The following SSR2 variants were observed in gnomAD, a reference collection of about 807,000 sequenced individuals.
The protein encoded by SSR2 is translocon-associated protein subunit beta.
In SSR2, 16 loss-of-function variants were observed where a neutral mutation model predicts 22.6. The ratio of observed to expected loss-of-function variants is 0.71; its 90% CI spans 0.48 to 1.08. The LOEUF (loss-of-function observed/expected upper bound fraction) is 1.08. SSR2 is among the 50% of genes least tolerant of loss of function. The pLI is 0.00. For missense variants in SSR2, 171 were observed against 221.6 expected (o/e 0.77, Z 1.45); for synonymous variants, 83 against 91.2 (o/e 0.91, Z 0.51).
chr1:156,019,796 C>A (rs540534146), intron 2 of SSR2, among the ~76,000 whole-genome samples: 1 of 152,294 alleles, frequency 6.6e-6, no homozygotes, highest in East Asian at 1.9e-4. Context: ...CTCTAAAATT[C>A]TTCCAACCCG....
At chr1:156,014,018 G>T (rs1281891698) in intron 4 of SSR2, 2 of 152,188 alleles carry the variant, frequency 1.3e-5, no homozygotes, top group African/African-American at 4.8e-5. Context: ...CAAGTGTCTG[G>T]TTAATGTTAT....
intron 3 of SSR2, among the ~76,000 whole-genome samples, chr1:156,016,565 A>G (rs552103420): frequency 1.4e-5 from 2 of 146,072 alleles, no homozygotes; most frequent in African/African-American, 4.9e-5. Flanking sequence ...TGTTAACTAT[A>G]ATTGAAGGAA....
Position 156,020,039 on chromosome 1 carries a change from C to G in SSR2, c.129G>C (p.Gln43His). 16 of 1,614,072 alleles carry G rather than the reference C, an allele frequency of 9.9e-6. No homozygotes were observed. Among genetic ancestry groups the G allele is most frequent in the Non-Finnish European group, 1.4e-5 (16 of 1,180,010 alleles). Reference sequence around the variant, plus strand: ...TTGAGCCAACATTGTAGATGTTGTACTGCAAGGTCAGGTCTCGTCCCTCCA... The same window carrying G: ...TTGAGCCAACATTGTAGATGTTGTAGTGCAAGGTCAGGTCTCGTCCCTCCA... ...YAVEGRDLTL[Q>H]YNIYNVGSSA... is the part of the protein sequence containing the mutation. Residue 43 changes from glutamine (Q) to histidine (H), a missense_variant, in exon 2 of 6, where the codon CAG becomes CAC. Physicochemically the swap from Gln to His is conservative, Grantham distance 24 (BLOSUM62 0). Transcript: ENST00000295702.
chr1:156,019,956 C>A, intron 2 of SSR2, 57 bp downstream of exon 2: 1 of 1,576,784 alleles, frequency 6.3e-7, no homozygotes, highest in South Asian at 1.2e-5. Context: ...CTATTCCCAT[C>A]TGAAAACTAA....
intron 5 of SSR2, among the ~76,000 whole-genome samples, chr1:156,009,862 C>T (rs1334933790): frequency 6.6e-6 from 1 of 152,218 alleles, no homozygotes; most frequent in Non-Finnish European, 1.5e-5. Context: ...CAACCTCCGC[C>T]TCCAGGGTTC....
rs1402565624 is a variant in SSR2 at position 156,020,024 on chromosome 1, A to G, written c.144T>C (p.Asn48=). 11 of 1,613,324 alleles carry G rather than the reference A, an allele frequency of 6.8e-6. No homozygotes were observed. Among genetic ancestry groups the G allele is most frequent in the East Asian group, 2.2e-5 (1 of 44,876 alleles). The change falls in exon 2 of 6, where the codon AAT becomes AAC. Residue 48 remains asparagine (N), a synonymous_variant. Transcript: ENST00000295702. ...RDLTLQYNIY[N]VGSSAALDVE... ...GGGCCTCGAGTTACCTTGAGCCAAC[A>G]TTGTAGATGTTGTACTGCAAGGTCA...
chr1:156,019,964 T>A, intron 2 of SSR2, 49 bp downstream of exon 2: 1 of 1,583,858 alleles, frequency 6.3e-7, no homozygotes, highest in Non-Finnish European at 8.6e-7. Flanking sequence ...ATCTGAAAAC[T>A]AAGAATCCAG....
chr1:156,015,152 C>A, intron 3 of SSR2, 83 bp from the exon 4 acceptor site: 1 of 1,034,188 alleles, frequency 9.7e-7, no homozygotes, highest in Non-Finnish European at 1.5e-6. Flanking sequence ...GCACCACTTA[C>A]AAAACATTTG....
At chr1:156,017,740 T>G (rs7539684) in intron 3 of SSR2, among the ~76,000 whole-genome samples, 1 of 24,394 alleles carries the variant, frequency 4.1e-5, no homozygotes, top group South Asian at 1.9e-3. Flanking sequence ...ATGTTTCAGG[T>G]TTTTTTTTTT....
At chr1:156,015,096 G>A (rs1371550929) in intron 3 of SSR2, 27 bp from the exon 4 acceptor site, 1 of 1,577,948 alleles carries the variant, frequency 6.3e-7, no homozygotes, top group Non-Finnish European at 8.7e-7. Context: ...GGAACGGAAA[G>A]AGATGAAGCT....
chr1:156,017,739 G>GTTTTTTTTTTTTTTTT (rs757236241), intron 3 of SSR2, among the ~76,000 whole-genome samples: 1 of 61,886 alleles, frequency 1.6e-5, no homozygotes, highest in African/African-American at 6.8e-5. Flanking sequence ...TATGTTTCAG[G>GTTTTTTTTTTTTTTTT]TTTTTTTTTT....
At chr1:156,010,426 A>G (rs967922223) in intron 5 of SSR2, 1 of 152,114 alleles carries the variant, frequency 6.6e-6, no homozygotes, top group Admixed American at 6.6e-5. Flanking sequence ...GTTGGAGTGC[A>G]GTGGCACAAT....
Position 156,009,405 on chromosome 1 carries a change from G to T in SSR2, c.*135C>A. 1 of 721,690 alleles carries T rather than the reference G, an allele frequency of 1.4e-6. No homozygotes were observed. The allele number at this position is 721,690 out of a possible 1,614,324, so 44.7% of individuals were successfully genotyped here. The stretch of plus-strand genomic sequence containing the variant: ...TTCACTATGGCTGAGAGCAGGGCAG[G>T]ATCCAGGAGAAAGTGGCCAAGGGCT... On this transcript the variant is annotated 3_prime_UTR_variant, in exon 6 of 6. Transcript: ENST00000295702.
chr1:156,016,297 G>A (rs1481875972), intron 3 of SSR2, among the ~76,000 whole-genome samples: 2 of 151,200 alleles, frequency 1.3e-5, no homozygotes, highest in Admixed American at 1.3e-4. Context: ...GCAGTGGCAT[G>A]ATCTCAGCTC....
At chr1:156,011,775 A>G in intron 5 of SSR2, 35 bp downstream of exon 5, 1 of 1,566,250 alleles carries the variant, frequency 6.4e-7, no homozygotes, top group Non-Finnish European at 8.8e-7. Flanking sequence ...TTCTCATACC[A>G]AGGAACTGAT....
rs190998578 is a variant in SSR2, at chr1:156,017,482, T to C, written c.254+788A>G. Among the ~76,000 whole-genome samples the C allele has an allele frequency of 3.6e-3, 549 of 152,114 alleles. 3 individuals carry two copies. Among genetic ancestry groups the C allele is most frequent in the African/African-American group, 0.013 (526 of 41,506 alleles). On this transcript the variant is annotated intron_variant, in intron 3 of 5. Coordinates refer to ENST00000295702, the MANE Select transcript of SSR2 (RefSeq NM_003145.4). Reference sequence around the variant, plus strand: ...CTCCTACCTCAGCCTCCCGAGTAGCTGGGATTACAGGCTCCCGCCACTGCG... The same window carrying C: ...CTCCTACCTCAGCCTCCCGAGTAGCCGGGATTACAGGCTCCCGCCACTGCG...
At chr1:156,012,546 A>G (rs996623544) in intron 4 of SSR2, 2 of 456,190 alleles carry the variant, frequency 4.4e-6, no homozygotes, top group African/African-American at 4.0e-5. Context: ...AGGTAGAACC[A>G]AAGAGTCCTG....
chr1:156,012,245 C>G (rs1188945270), intron 4 of SSR2: 2 of 301,680 alleles, frequency 6.6e-6, no homozygotes, highest in African/African-American at 4.3e-5. Flanking sequence ...ACTGGTCCCT[C>G]TACAGGGCAA....
At chr1:156,018,486 T>G in intron 2 of SSR2, 118 bp from the exon 3 acceptor site, 1 of 609,668 alleles carries the variant, frequency 1.6e-6, no homozygotes, top group Non-Finnish European at 2.9e-6. Context: ...GGTGGGCAGA[T>G]CACCTGAGGT....
Sources: gnomAD v4.1 joint callset for allele counts (sites outside exome capture counted in the v4.1 genomes callset) on GRCh38, gnomAD v4.1.1 for gene constraint, MANE v1.5 for transcripts, NCBI Gene and HGNC (gene_info 2026-07-23, HGNC 2026-07-21) for gene names.